The following SOX5 variants were observed in gnomAD, a reference collection of about 807,000 sequenced individuals.
SOX5 encodes the protein SRY-box transcription factor 5.
A neutral mutation model predicts 92.0 loss-of-function variants in SOX5; 9 were observed. That is an observed-to-expected ratio of 0.10 (90% confidence interval 0.06 to 0.17). The LOEUF (loss-of-function observed/expected upper bound fraction) is 0.17, where lower values mean the gene tolerates loss of function less well. Ranked by LOEUF, SOX5 falls within the 10% of genes least tolerant of loss-of-function variation. The pLI is 1.00. For synonymous variants in SOX5, 344 were observed against 336.3 expected (o/e 1.02, Z -0.25); for missense variants, 642 against 944.5 (o/e 0.68, Z 4.20).
intron 4 of SOX5, among the ~76,000 whole-genome samples, chr12:24,171,336 G>A (rs1954129940): frequency 6.7e-6 from 1 of 149,986 alleles, no homozygotes; most frequent in Non-Finnish European, 1.5e-5. Context: ...CAATTCTCCT[G>A]CCTCAGCCTC....
chr12:24,135,347 C>G (rs1382156837), intron 4 of SOX5, among the ~76,000 whole-genome samples: 1 of 152,196 alleles, frequency 6.6e-6, no homozygotes, highest in Non-Finnish European at 1.5e-5. Flanking sequence ...ACACAAGTTG[C>G]TCTCTCCTAA....
chr12:23,967,201 A>G (rs944713643), intron 4 of SOX5, among the ~76,000 whole-genome samples: 2 of 152,176 alleles, frequency 1.3e-5, no homozygotes. Flanking sequence ...AATGAATTTG[A>G]AAAGTCGACA....
At chr12:24,529,907 C>T (rs1338819991) in intron 1 of SOX5, among the ~76,000 whole-genome samples, 1 of 151,310 alleles carries the variant, frequency 6.6e-6, no homozygotes, top group African/African-American at 2.4e-5. Flanking sequence ...GTAGTCCCAG[C>T]TACTCGGGAG....
chr12:24,080,652 C>G (rs1346625019), intron 4 of SOX5, among the ~76,000 whole-genome samples: 1 of 151,870 alleles, frequency 6.6e-6, no homozygotes, highest in Non-Finnish European at 1.5e-5. Context: ...CTTCTTTGCC[C>G]TCTGAACTGT....
At chr12:24,400,864 CT>C (rs1279358972) in intron 1 of SOX5, among the ~76,000 whole-genome samples, 1 of 152,176 alleles carries the variant, frequency 6.6e-6, no homozygotes, top group Admixed American at 6.5e-5. Context: ...AGGCAAATGA[CT>C]TTATAAATGT....
At chr12:23,723,054 G>A (rs939199434) in intron 6 of SOX5, among the ~76,000 whole-genome samples, 1 of 151,974 alleles carries the variant, frequency 6.6e-6, no homozygotes, top group East Asian at 1.9e-4. Context: ...TTTACCTTAC[G>A]GCAGCCCTAT....
intron 1 of SOX5, among the ~76,000 whole-genome samples, chr12:23,947,195 C>T (rs1944729109): frequency 6.6e-6 from 1 of 151,826 alleles, no homozygotes; most frequent in Admixed American, 6.6e-5. Flanking sequence ...TCCTCTAGAT[C>T]AAAGTTCTCT....
At chr12:23,715,040 A>T (rs1030497250) in intron 6 of SOX5, among the ~76,000 whole-genome samples, 2 of 151,986 alleles carry the variant, frequency 1.3e-5, no homozygotes, top group Non-Finnish European at 2.9e-5. Flanking sequence ...CCTATGTTTT[A>T]AAAAAATGCA....
At chr12:24,338,972 T>C (rs927796813) in intron 2 of SOX5, among the ~76,000 whole-genome samples, 48 of 152,172 alleles carry the variant, frequency 3.2e-4, no homozygotes, top group African/African-American at 1.1e-3. Context: ...GGTTGATTAT[T>C]CATTCTTATT....
chr12:23,872,465 G>A (rs1454001768), intron 2 of SOX5, among the ~76,000 whole-genome samples: 1 of 151,984 alleles, frequency 6.6e-6, no homozygotes, highest in East Asian at 1.9e-4. Context: ...AGAAGTTATG[G>A]TGTCATTAAA....
At chr12:24,351,027 C>T (rs1229898537) in intron 2 of SOX5, among the ~76,000 whole-genome samples, 2 of 152,074 alleles carry the variant, frequency 1.3e-5, no homozygotes, top group East Asian at 1.9e-4. Flanking sequence ...CACTCCATTC[C>T]AGCCTGGGCA....
chr12:23,855,132 C>T (rs550173804), intron 2 of SOX5, among the ~76,000 whole-genome samples: 132 of 152,064 alleles, frequency 8.7e-4, no homozygotes, highest in African/African-American at 3.0e-3. Context: ...TTTCTTTCAT[C>T]CACTCTGCCA....
chr12:23,543,514 C>G (rs1942518545), intron 12 of SOX5, 130 bp from the exon 13 acceptor site: 1 of 607,166 alleles, frequency 1.6e-6, no homozygotes. Flanking sequence ...ACTTCCAGTT[C>G]TTAAGACAGA....
chr12:24,052,648 G>C (rs1957676336), intron 4 of SOX5, among the ~76,000 whole-genome samples: 2 of 152,152 alleles, frequency 1.3e-5, no homozygotes, highest in African/African-American at 2.4e-5. Flanking sequence ...CCTGAATTGA[G>C]TGTAATAGAA....
At chr12:24,285,531 A>G (rs1182973644) in intron 2 of SOX5, among the ~76,000 whole-genome samples, 1 of 152,164 alleles carries the variant, frequency 6.6e-6, no homozygotes, top group East Asian at 1.9e-4. Flanking sequence ...GCAGCGCTAT[A>G]CTGGTTCTGG....
chr12:24,260,061 A>G (rs894967532), intron 3 of SOX5, among the ~76,000 whole-genome samples: 1 of 152,230 alleles, frequency 6.6e-6, no homozygotes, highest in African/African-American at 2.4e-5. Flanking sequence ...AGATAAGCTT[A>G]AAAGGCCTTC....
intron 4 of SOX5, among the ~76,000 whole-genome samples, chr12:24,165,325 A>G (rs906897122): frequency 1.3e-5 from 2 of 152,142 alleles, no homozygotes; most frequent in Non-Finnish European, 2.9e-5. Flanking sequence ...CCTGCCCTGA[A>G]GATGCTTAAA....
In SOX5 at chr12:23,758,388, GT is replaced by G. The variant is rs61280264; in HGVS notation, c.482-2665del. Among the ~76,000 whole-genome samples the G allele has an allele frequency of 8.5e-3, 1,228 of 144,114 alleles. 10 individuals are homozygous for G. Among genetic ancestry groups the G allele is most frequent in the African/African-American group, 0.028 (1,099 of 39,400 alleles). 94.5% of individuals were successfully genotyped at this position (144,114 alleles called of 152,430 possible). On this transcript the variant is annotated intron_variant, in intron 3 of 14. Coordinates refer to ENST00000451604, the MANE Select transcript of SOX5 (RefSeq NM_006940.6). Reference sequence around the variant, plus strand: ...GGGCAGAATTGAGGTCTTGAACTAAGTTTTTTTTTTTTTTCCTACACATTCC... The same window carrying G: ...GGGCAGAATTGAGGTCTTGAACTAAGTTTTTTTTTTTTTCCTACACATTCC...
At chr12:23,643,466 A>T (rs1283336886) in intron 7 of SOX5, among the ~76,000 whole-genome samples, 1 of 152,204 alleles carries the variant, frequency 6.6e-6, no homozygotes, top group Non-Finnish European at 1.5e-5. Flanking sequence ...TTAGGGGAAA[A>T]GCCCTCATAG....
Sources: allele counts gnomAD v4.1 joint callset (sites outside exome capture counted in the v4.1 genomes callset), GRCh38; gene constraint gnomAD v4.1.1; transcripts MANE v1.5; gene names NCBI Gene and HGNC (gene_info 2026-07-23, HGNC 2026-07-21).